The following PIGN variants were observed in gnomAD, a reference collection of about 807,000 sequenced individuals.
The protein encoded by PIGN is phosphatidylinositol glycan anchor biosynthesis class N.
Under a neutral mutation model 125.4 loss-of-function variants are expected in PIGN, and 117 were observed. The observed-to-expected ratio is 0.93, with a 90% CI of 0.80 to 1.09. The LOEUF (loss-of-function observed/expected upper bound fraction) is 1.09. Among genes scored for constraint, PIGN ranks in the 50% least tolerant of loss-of-function variants. PIGN has a pLI of 0.00. For missense variants in PIGN, 1,075 were observed against 1,094.9 expected, an observed-to-expected ratio of 0.98 and a Z score of 0.26; for synonymous variants, 392 against 377.8, an observed-to-expected ratio of 1.04 and a Z score of -0.44.
At chr18:62,131,467 T>C (rs923611330) in intron 14 of PIGN, among the ~76,000 whole-genome samples, 6 of 152,118 alleles carry the variant, frequency 3.9e-5, no homozygotes, top group African/African-American at 9.7e-5. Flanking sequence ...TACAGATGGG[T>C]GATCCTTTTA....
intron 30 of PIGN, among the ~76,000 whole-genome samples, chr18:62,066,754 C>A (rs1220523538): frequency 6.6e-6 from 1 of 152,158 alleles, no homozygotes; most frequent in East Asian, 1.9e-4. Flanking sequence ...GAGTTAACTC[C>A]ATTTGGGCCC....
At chr18:62,022,858 T>A (rs1210131283) in intron 23 of PIGN, among the ~76,000 whole-genome samples, 1 of 152,222 alleles carries the variant, frequency 6.6e-6, no homozygotes, top group Non-Finnish European at 1.5e-5. Flanking sequence ...TACCAGAATC[T>A]GCAGGTGCTC....
intron 14 of PIGN, among the ~76,000 whole-genome samples, chr18:62,123,823 A>G (rs1351986027): frequency 5.3e-5 from 8 of 152,168 alleles, no homozygotes; most frequent in African/African-American, 1.9e-4. Context: ...AGGAAAGGAT[A>G]CTGGAATGCA....
At chr18:62,063,246 A>C (rs1242174106) in intron 30 of PIGN, among the ~76,000 whole-genome samples, 3 of 151,154 alleles carry the variant, frequency 2.0e-5, no homozygotes, top group African/African-American at 4.8e-5. Flanking sequence ...TCCAAAATCT[A>C]TGGTTTTATA....
chr18:62,156,349 G>T (rs1014439203), intron 6 of PIGN, among the ~76,000 whole-genome samples: 4 of 151,856 alleles, frequency 2.6e-5, no homozygotes, highest in African/African-American at 9.7e-5. Context: ...TTTTTTTTGA[G>T]ATAGGGTGTT....
At chr18:62,101,248 T>G (rs2034426987) in intron 21 of PIGN, 65 bp from the exon 22 acceptor site, 8 of 862,044 alleles carry the variant, frequency 9.3e-6, no homozygotes, top group Non-Finnish European at 1.5e-5. Flanking sequence ...CTAGCAAGAA[T>G]GTAAGACATT....
chr18:62,135,723 T>G (rs2035907542), intron 14 of PIGN: 1 of 150,284 alleles, frequency 6.7e-6, no homozygotes, highest in South Asian at 2.1e-4. Context: ...GCCTCTCTGG[T>G]TCAAGTGATT....
At chr18:62,134,332 A>C (rs2035849884) in intron 14 of PIGN, among the ~76,000 whole-genome samples, 1 of 152,188 alleles carries the variant, frequency 6.6e-6, no homozygotes, top group South Asian at 2.1e-4. Context: ...CAGAGGTTGC[A>C]GTGAGCCAAG....
At chr18:62,149,639 T>C (rs960488967) in intron 7 of PIGN, among the ~76,000 whole-genome samples, 1 of 152,238 alleles carries the variant, frequency 6.6e-6, no homozygotes, top group Non-Finnish European at 1.5e-5. Flanking sequence ...CTTTTTGAAA[T>C]AAATATAATT....
chr18:62,027,375 G>T (rs1042152813), intron 23 of PIGN, among the ~76,000 whole-genome samples: 2 of 152,300 alleles, frequency 1.3e-5, no homozygotes, highest in Non-Finnish European at 1.5e-5. Flanking sequence ...AGCCTCAGGA[G>T]GTCCTGACGA....
At chr18:62,049,941 A>G (rs1335326818) in intron 30 of PIGN, among the ~76,000 whole-genome samples, 4 of 149,102 alleles carry the variant, frequency 2.7e-5, no homozygotes, top group Non-Finnish European at 6.0e-5. Context: ...TCCCAGCACC[A>G]TTTATTAAAT....
chr18:62,096,382 T>C (rs1356780147), intron 22 of PIGN, among the ~76,000 whole-genome samples: 1 of 152,070 alleles, frequency 6.6e-6, no homozygotes, highest in Non-Finnish European at 1.5e-5. Context: ...TGAGGCTACA[T>C]TTCCCCTAAT....
At chr18:62,057,871 A>T (rs1410254863) in intron 30 of PIGN, among the ~76,000 whole-genome samples, 1 of 152,234 alleles carries the variant, frequency 6.6e-6, no homozygotes, top group Non-Finnish European at 1.5e-5. Flanking sequence ...CTTTGCCAAC[A>T]GGGAAAAGAT....
At chr18:62,114,510 A>C in intron 15 of PIGN, 51 bp downstream of exon 15, 1 of 1,143,816 alleles carries the variant, frequency 8.7e-7, no homozygotes, top group Non-Finnish European at 1.3e-6. Flanking sequence ...TCTCCTCTCC[A>C]TCCCCAAAAT....
At chr18:62,185,963 A>T (rs1227196960) in intron 1 of PIGN, among the ~76,000 whole-genome samples, 2 of 152,082 alleles carry the variant, frequency 1.3e-5, no homozygotes, top group Non-Finnish European at 2.9e-5. Context: ...GAAATGTTGC[A>T]GGAGACAGTG....
At chr18:62,084,824 C>A (rs1237444325) in intron 26 of PIGN, among the ~76,000 whole-genome samples, 3 of 152,118 alleles carry the variant, frequency 2.0e-5, no homozygotes. Flanking sequence ...AAGCAAGGTG[C>A]AGGCTGGGTG....
intron 30 of PIGN, among the ~76,000 whole-genome samples, chr18:62,063,245 T>C (rs2032294963): frequency 6.6e-6 from 1 of 151,294 alleles, no homozygotes; most frequent in African/African-American, 2.4e-5. Context: ...ATCCAAAATC[T>C]ATGGTTTTAT....
chr18:62,077,061 T>G (rs1271211981), intron 28 of PIGN, among the ~76,000 whole-genome samples: 1 of 152,172 alleles, frequency 6.6e-6, no homozygotes, highest in Non-Finnish European at 1.5e-5. Context: ...TCTTCTGGAA[T>G]AGAAAAATAA....
chr18:62,018,721 C>A (rs1431232792), intron 23 of PIGN, among the ~76,000 whole-genome samples: 1 of 152,180 alleles, frequency 6.6e-6, no homozygotes. Flanking sequence ...GCCTCCCAGA[C>A]TGTGGGTGGC....
Sources: gnomAD v4.1 joint callset for allele counts (sites outside exome capture counted in the v4.1 genomes callset) on GRCh38, gnomAD v4.1.1 for gene constraint, MANE v1.5 for transcripts, NCBI Gene and HGNC (gene_info 2026-07-23, HGNC 2026-07-21) for gene names.